SHOC2: variants seen among roughly 807,000 people sequenced by gnomAD.
The protein encoded by SHOC2 is leucine-rich repeat protein SHOC-2.
A neutral mutation model predicts 50.2 loss-of-function variants in SHOC2; 4 were observed. The ratio of observed to expected loss-of-function variants is 0.08; its 90% CI spans 0.04 to 0.18. SHOC2 has a LOEUF of 0.18. Among genes scored for constraint, SHOC2 ranks in the 10% least tolerant of loss-of-function variants. SHOC2 has a pLI of 1.00. For synonymous variants in SHOC2, 218 were observed against 244.5 expected, an observed-to-expected ratio of 0.89 and a Z score of 1.01; for missense variants, 388 against 669.6, an observed-to-expected ratio of 0.58 and a Z score of 4.64.
chr10:110,924,021 G>GT (rs1846706442), intron 1 of SHOC2, among the ~76,000 whole-genome samples: 4 of 151,862 alleles, frequency 2.6e-5, no homozygotes, highest in Admixed American at 2.6e-4. Flanking sequence ...TTACATTTGG[G>GT]TTTTTTTCAG....
intron 5 of SHOC2, among the ~76,000 whole-genome samples, chr10:111,006,617 G>T (rs534700426): frequency 6.6e-6 from 1 of 152,066 alleles, no homozygotes; most frequent in Non-Finnish European, 1.5e-5. Context: ...TGATCCGCCC[G>T]CCTCGGCCTC....
intron 5 of SHOC2, among the ~76,000 whole-genome samples, chr10:111,006,661 C>T (rs972214150): frequency 3.3e-5 from 5 of 152,282 alleles, no homozygotes; most frequent in East Asian, 1.9e-4. Flanking sequence ...TGAGCCACCA[C>T]GCCCGGCCGC....
intron 3 of SHOC2, chr10:110,986,016 G>C (rs1848069948): frequency 5.2e-6 from 2 of 380,974 alleles, no homozygotes; most frequent in African/African-American, 2.0e-5. Context: ...TATATATTCT[G>C]TCATAGTTTG....
intron 1 of SHOC2, among the ~76,000 whole-genome samples, chr10:110,953,894 TTATA>T (rs570996771): frequency 4.8e-4 from 72 of 151,294 alleles, no homozygotes; most frequent in African/African-American, 1.7e-3. Context: ...AAATTTTTAA[TTATA>T]TATAATTATT....
chr10:110,929,377 T>C (rs1258022366), intron 1 of SHOC2, among the ~76,000 whole-genome samples: 4 of 152,218 alleles, frequency 2.6e-5, no homozygotes, highest in African/African-American at 9.7e-5. Flanking sequence ...TACTACGTGA[T>C]TTACATGTTT....
intron 1 of SHOC2, among the ~76,000 whole-genome samples, chr10:110,943,489 C>T (rs1847190809): frequency 6.6e-6 from 1 of 152,076 alleles, no homozygotes; most frequent in African/African-American, 2.4e-5. Context: ...TCCTTTAGTT[C>T]TACAGGCATG....
chr10:110,928,301 A>G (rs1846816576), intron 1 of SHOC2, among the ~76,000 whole-genome samples: 1 of 151,984 alleles, frequency 6.6e-6, no homozygotes, highest in Non-Finnish European at 1.5e-5. Flanking sequence ...TGGGCAACAA[A>G]CAAGCAAAAT....
intron 1 of SHOC2, among the ~76,000 whole-genome samples, chr10:110,951,276 T>C (rs1847346353): frequency 6.6e-6 from 1 of 152,124 alleles, no homozygotes; most frequent in Non-Finnish European, 1.5e-5. Flanking sequence ...TGTGAAAAAA[T>C]GCTCAACGTC....
At chr10:111,011,050 C>T (rs898706756) in intron 8 of SHOC2, among the ~76,000 whole-genome samples, 4 of 152,052 alleles carry the variant, frequency 2.6e-5, no homozygotes, top group African/African-American at 9.7e-5. Flanking sequence ...ATACAAGTAT[C>T]CTAAGAAAAA....
chr10:110,946,621 A>G (rs1847251224), intron 1 of SHOC2, among the ~76,000 whole-genome samples: 1 of 152,142 alleles, frequency 6.6e-6, no homozygotes, highest in African/African-American at 2.4e-5. Flanking sequence ...ATTTGAGAGA[A>G]AGGGCTGTAT....
At chr10:111,003,110 GGTACA>G (rs1285504011) in intron 4 of SHOC2, among the ~76,000 whole-genome samples, 3 of 152,086 alleles carry the variant, frequency 2.0e-5, no homozygotes, top group Non-Finnish European at 4.4e-5. Context: ...AGCTTCTTAA[GGTACA>G]GTATAAAGAA....
At chr10:110,981,299 T>A (rs1847972146) in intron 2 of SHOC2, among the ~76,000 whole-genome samples, 1 of 152,208 alleles carries the variant, frequency 6.6e-6, no homozygotes. Flanking sequence ...TGCCCAGTAT[T>A]GTGTCTGGAA....
chr10:110,976,224 T>G (rs1847876309), intron 2 of SHOC2, among the ~76,000 whole-genome samples: 1 of 152,156 alleles, frequency 6.6e-6, no homozygotes, highest in Non-Finnish European at 1.5e-5. Flanking sequence ...ATCATTTTCT[T>G]TTGCCCAAAG....
chr10:110,944,029 TG>T (rs1199845943), intron 1 of SHOC2, among the ~76,000 whole-genome samples: 1 of 152,246 alleles, frequency 6.6e-6, no homozygotes, highest in East Asian at 1.9e-4. Context: ...TCCTCTTTCT[TG>T]CTCGTCTCAA....
At chr10:110,996,021 A>G (rs889809272) in intron 3 of SHOC2, among the ~76,000 whole-genome samples, 6 of 152,216 alleles carry the variant, frequency 3.9e-5, no homozygotes, top group East Asian at 1.9e-4. Flanking sequence ...GGGTATTATC[A>G]TAGTCAACTA....
In SHOC2 at chr10:110,982,630, G is replaced by GT. The variant is rs570082420; in HGVS notation, c.704-2992dup. On this transcript the variant is annotated intron_variant, in intron 2 of 8. Transcript: ENST00000369452. ...AGTGATGATGAGCATTTTTTCATGTGTTTTTTGGCTGCATAAATGTCTTCT... is the reference window on the plus strand; with the variant it reads ...AGTGATGATGAGCATTTTTTCATGTGTTTTTTTGGCTGCATAAATGTCTTCT... Among the ~76,000 whole-genome samples the GT allele has an allele frequency of 3.1e-3, 472 of 151,602 alleles. 26 individuals carry two copies. The South Asian group carries it at 0.09, about 29-fold the overall frequency.
intron 1 of SHOC2, among the ~76,000 whole-genome samples, chr10:110,957,927 A>G (rs1487770685): frequency 6.6e-6 from 1 of 152,210 alleles, no homozygotes; most frequent in Non-Finnish European, 1.5e-5. Flanking sequence ...TCACCAAACA[A>G]ATATGATTCT....
At chr10:110,999,524 G>T (rs541811349) in intron 3 of SHOC2, among the ~76,000 whole-genome samples, 1 of 151,918 alleles carries the variant, frequency 6.6e-6, no homozygotes, top group Non-Finnish European at 1.5e-5. Context: ...ATCACTTAAG[G>T]TCAGGAGTTC....
intron 1 of SHOC2, among the ~76,000 whole-genome samples, chr10:110,929,663 TGA>T (rs758068898): frequency 1.3e-5 from 2 of 152,202 alleles, no homozygotes; most frequent in Non-Finnish European, 2.9e-5. Flanking sequence ...TGGCAGAAAG[TGA>T]GAGAGCAAGT....
Sources: gnomAD v4.1 joint callset for allele counts (sites outside exome capture counted in the v4.1 genomes callset) on GRCh38, gnomAD v4.1.1 for gene constraint, MANE v1.5 for transcripts, NCBI Gene and HGNC (gene_info 2026-07-23, HGNC 2026-07-21) for gene names.